Variants in DNAH12 observed in about 807,000 individuals in gnomAD.
DNAH12 encodes the protein dynein axonemal heavy chain 12, also known as axonemal beta dynein heavy chain 12.
Under a neutral mutation model 371.5 loss-of-function variants are expected in DNAH12, and 285 were observed. The observed-to-expected ratio is 0.77, with a 90% CI of 0.70 to 0.85. DNAH12 has a LOEUF of 0.85. DNAH12 is among the 40% of genes least tolerant of loss of function. The pLI is 0.00. For missense variants in DNAH12, 3,611 were observed against 3,689.4 expected, an observed-to-expected ratio of 0.98 and a Z score of 0.55; for synonymous variants, 1,200 against 1,213.0, an observed-to-expected ratio of 0.99 and a Z score of 0.22.
In DNAH12 at chr3:57,499,673, T is replaced by TATATATATACACAC. The variant is rs771112538; in HGVS notation, c.1335+1647_1335+1648insGTGTGTATATATAT. 1.7e-3 allele frequency among the ~76,000 whole-genome samples: 75 copies of TATATATATACACAC among 44,428 alleles called. 4 individuals carry two copies. The highest frequency in any genetic ancestry group is 5.9e-3 in the African/African-American group (66 of 11,202). 29.1% of individuals were successfully genotyped at this position (44,428 alleles called of 152,430 possible). A position where few individuals can be genotyped will look rare whatever the true frequency, so the allele number is the denominator to read the frequency against. On this transcript the variant is annotated intron_variant, in intron 11 of 73. Coordinates refer to ENST00000495027, the MANE Select transcript of DNAH12 (RefSeq NM_001366028.2). Reference sequence around the variant, plus strand: ...ATATATATATATATATATATATATATATACTTCTTAAAAAAATTAGCCAGG... The same window carrying TATATATATACACAC: ...ATATATATATATATATATATATATATATATATATACACACATACTTCTTAAAAAAATTAGCCAGG...
At chr3:57,549,748 A>G in the DNAH12 span, among the ~76,000 whole-genome samples, 1 of 151,810 alleles carries the variant, frequency 6.6e-6, no homozygotes, top group Non-Finnish European at 1.5e-5. Context: ...CTCAGCCTCC[A>G]GAGTAGCTAG....
intron 4 of DNAH12, chr3:57,520,138 G>A: frequency 4.7e-6 from 2 of 429,510 alleles, no homozygotes; most frequent in Non-Finnish European, 8.7e-6. Flanking sequence ...TTGAGACGGA[G>A]TTTCGCTCTT....
At chr3:57,402,885 A>G (rs1242197566) in intron 43 of DNAH12, among the ~76,000 whole-genome samples, 2 of 152,242 alleles carry the variant, frequency 1.3e-5, no homozygotes, top group East Asian at 1.9e-4. Context: ...TGCTGACTCC[A>G]TAGTTATTCA....
chr3:57,422,140 C>CT (rs1440283460), intron 35 of DNAH12, among the ~76,000 whole-genome samples: 1 of 151,862 alleles, frequency 6.6e-6, no homozygotes, highest in Non-Finnish European at 1.5e-5. Flanking sequence ...TCTTAAACTC[C>CT]TAGACTCAGC....
chr3:57,315,591 C>G (rs930667733), intron 65 of DNAH12, among the ~76,000 whole-genome samples: 1 of 151,898 alleles, frequency 6.6e-6, no homozygotes, highest in Non-Finnish European at 1.5e-5. Context: ...TGTCTTTGGA[C>G]TCTATCTAGA....
chr3:57,445,984 T>C, intron 27 of DNAH12, 47 bp downstream of exon 27: 1 of 1,450,642 alleles, frequency 6.9e-7, no homozygotes, highest in Non-Finnish European at 9.1e-7. Flanking sequence ...TAAGACTGTT[T>C]CAAAAACATA....
Position 57,413,810 on chromosome 3 carries a change from A to G in DNAH12, c.5956T>C (p.Leu1986=). Residue 1986 remains leucine, a synonymous_variant, in exon 39 of 74, where the codon TTG becomes CTG. Transcript: ENST00000495027. The part of the protein sequence containing the change: ...IFIDDMNMPA[L]EKYGAQPPIE... ...GGTGGTTGAGCTCCATACTTCTCCAATGCAGGCATATTCATATCATCTATA... is the reference window on the plus strand; with the variant it reads ...GGTGGTTGAGCTCCATACTTCTCCAGTGCAGGCATATTCATATCATCTATA... The G allele has an allele frequency of 6.4e-7, 1 of 1,551,284 alleles. No homozygotes were observed.
chr3:57,337,589 G>A (rs782447310), intron 60 of DNAH12, among the ~76,000 whole-genome samples: 30 of 152,182 alleles, frequency 2.0e-4, no homozygotes, highest in Non-Finnish European at 3.8e-4. Flanking sequence ...AACCTGGGAG[G>A]TGGAGGTTGT....
chr3:57,358,558 C>T (rs2062851057), intron 58 of DNAH12, among the ~76,000 whole-genome samples: 1 of 152,080 alleles, frequency 6.6e-6, no homozygotes, highest in African/African-American at 2.4e-5. Context: ...AAACTTTCCC[C>T]AAAATTACAC....
chr3:57,480,848 G>A (rs2066717518), intron 13 of DNAH12, among the ~76,000 whole-genome samples: 1 of 152,132 alleles, frequency 6.6e-6, no homozygotes, highest in Admixed American at 6.5e-5. Context: ...ATGCGGAAAA[G>A]GCCTTTGACA....
intron 45 of DNAH12, 79 bp downstream of exon 45, chr3:57,391,793 T>G (rs2063628756): frequency 2.0e-5 from 3 of 152,190 alleles, no homozygotes. Context: ...GAATGTATAT[T>G]AATAAAGTTT....
chr3:57,555,334 A>T, the DNAH12 span, among the ~76,000 whole-genome samples: 162 of 152,278 alleles, frequency 1.1e-3, 1 homozygote, highest in African/African-American at 3.7e-3. Flanking sequence ...TTTAACTGAG[A>T]TCCTGTAATT....
At chr3:57,414,425 C>T (rs1185027665) in intron 38 of DNAH12, among the ~76,000 whole-genome samples, 2 of 152,074 alleles carry the variant, frequency 1.3e-5, no homozygotes, top group Admixed American at 6.6e-5. Flanking sequence ...AGGGAGTACA[C>T]ATGCAGGTTA....
At chr3:57,402,696 AGAG>A (rs1303103471) in intron 43 of DNAH12, among the ~76,000 whole-genome samples, 1 of 152,208 alleles carries the variant, frequency 6.6e-6, no homozygotes, top group African/African-American at 2.4e-5. Context: ...AGAGGCAGAC[AGAG>A]GAGGATAAAG....
chr3:57,498,201 T>C, intron 11 of DNAH12: 1 of 303,246 alleles, frequency 3.3e-6, no homozygotes, highest in South Asian at 9.6e-5. Context: ...AATAAAACAA[T>C]AGTAAAAAGT....
chr3:57,315,449 G>A (rs2061665689), intron 65 of DNAH12, among the ~76,000 whole-genome samples: 1 of 149,306 alleles, frequency 6.7e-6, no homozygotes, highest in African/African-American at 2.5e-5. Flanking sequence ...ACATTTCATA[G>A]GGGAAGAACC....
Position 57,385,851 on chromosome 3 carries a change from A to C in DNAH12, c.7603-422T>G, listed in dbSNP as rs2063490688. On this transcript the variant is annotated intron_variant, in intron 47 of 73. Coordinates refer to ENST00000495027, the MANE Select transcript of DNAH12 (RefSeq NM_001366028.2). ...AGCCGAGATTGCACCATTGCAATCCAGCCTGGGTGACAGAGTGACACTCCA... is the reference window on the plus strand; with the variant it reads ...AGCCGAGATTGCACCATTGCAATCCCGCCTGGGTGACAGAGTGACACTCCA... 2.0e-5 allele frequency among the ~76,000 whole-genome samples: 3 copies of C among 152,208 alleles called. No homozygotes were observed. The South Asian group carries it at 6.2e-4, about 32-fold the overall frequency.
At chr3:57,523,434 T>G in intron 4 of DNAH12, 149 bp downstream of exon 4, 1 of 627,280 alleles carries the variant, frequency 1.6e-6, no homozygotes, top group East Asian at 3.5e-5. Flanking sequence ...CATGACATGT[T>G]TGCTCCCTTG....
rs903684265 is a variant in DNAH12, at chr3:57,370,131, G to A, written c.8760-1871C>T. Among the ~76,000 whole-genome samples, 3 of 152,112 alleles carry A rather than the reference G, an allele frequency of 2.0e-5. No homozygotes were observed. The South Asian group carries it at 6.2e-4, about 32-fold the overall frequency. On this transcript the variant is annotated intron_variant, in intron 55 of 73. Coordinates refer to ENST00000495027, the MANE Select transcript of DNAH12 (RefSeq NM_001366028.2). ...TTCTGACAGAGGTGGTAATTTGGAG[G>A]AAAATAAGCTTTGCTGTTAAGTAGC...
Sources: gnomAD v4.1 joint callset for allele counts (sites outside exome capture counted in the v4.1 genomes callset) on GRCh38, gnomAD v4.1.1 for gene constraint, MANE v1.5 for transcripts, NCBI Gene and HGNC (gene_info 2026-07-23, HGNC 2026-07-21) for gene names.